Variants in FHOD3 observed in about 807,000 individuals in gnomAD.
FHOD3 encodes FH1/FH2 domain-containing protein 3.
In FHOD3, 90 loss-of-function variants were observed where a neutral mutation model predicts 173.0. The ratio of observed to expected loss-of-function variants is 0.52; its 90% CI spans 0.44 to 0.62. FHOD3 has a LOEUF of 0.62. Ranked by LOEUF, FHOD3 falls within the 20% of genes least tolerant of loss-of-function variation. The pLI is 0.00. For missense variants in FHOD3, 1,945 were observed against 2,034.7 expected (o/e 0.96, Z 0.85); for synonymous variants, 828 against 823.0 (o/e 1.01, Z -0.10).
rs534982530 is a variant in FHOD3, at chr18:36,585,444, G to A, written c.606+8899G>A. On this transcript the variant is annotated intron_variant, in intron 6 of 28. Coordinates refer to ENST00000590592, the MANE Select transcript of FHOD3 (RefSeq NM_001281740.3). ...AGTCCCCCATGTGAGAATAATCTCA[G>A]TAGGAAAAAAAAGGGAAAAAGCAAG... Among the ~76,000 whole-genome samples, 71 of 151,892 alleles carry A rather than the reference G, an allele frequency of 4.7e-4. 3 individuals are homozygous for A. The South Asian group carries it at 0.015, about 32-fold the overall frequency.
intron 7 of FHOD3, among the ~76,000 whole-genome samples, chr18:36,597,538 T>C (rs1371100769): frequency 6.6e-6 from 1 of 152,184 alleles, no homozygotes; most frequent in Non-Finnish European, 1.5e-5. Flanking sequence ...GCCATTCTCC[T>C]GCCTCAGCCT....
At chr18:36,576,157 T>C (rs2058640564) in intron 5 of FHOD3, among the ~76,000 whole-genome samples, 2 of 152,288 alleles carry the variant, frequency 1.3e-5, no homozygotes, top group South Asian at 2.1e-4. Flanking sequence ...CACACAGATA[T>C]AGAAACAGAA....
Position 36,601,608 on chromosome 18 carries a change from G to A in FHOD3, c.719-1066G>A, listed in dbSNP as rs182609495. 1.6e-3 allele frequency among the ~76,000 whole-genome samples: 245 copies of A among 152,242 alleles called. 1 individual carries two copies. Among genetic ancestry groups the A allele is most frequent in the African/African-American group, 4.7e-3 (197 of 41,550 alleles). On this transcript the variant is annotated intron_variant, in intron 7 of 28. Transcript: ENST00000590592. ...ACTTTTGTTCTCAAGGCCAAAATCA[G>A]CTCTGACATAGCCCATCCAAGGACC...
chr18:36,552,755 C>G lies in FHOD3; in HGVS notation c.512-23696C>G, dbSNP rs140960616. On this transcript the variant is annotated intron_variant, in intron 5 of 28. Transcript: ENST00000590592. ...CCTCATGATCCACCCGCCTCGGCCTCCCAAAGTGCTGGGATTACAGGCATG... is the reference window on the plus strand; with the variant it reads ...CCTCATGATCCACCCGCCTCGGCCTGCCAAAGTGCTGGGATTACAGGCATG... 9.1e-4 allele frequency among the ~76,000 whole-genome samples: 138 copies of G among 152,208 alleles called. 1 individual carries two copies. Among genetic ancestry groups the G allele is most frequent in the African/African-American group, 3.1e-3 (129 of 41,538 alleles).
At chr18:36,689,172 A>G (rs1175056739) in intron 16 of FHOD3, among the ~76,000 whole-genome samples, 1 of 152,230 alleles carries the variant, frequency 6.6e-6, no homozygotes, top group Non-Finnish European at 1.5e-5. Flanking sequence ...CCCTGTTTCA[A>G]AAGCTTTTAA....
rs141202254 is a variant in FHOD3 at position 36,297,877 on chromosome 18, G to C, written c.42G>C (p.Thr14=). 501 of 1,553,308 alleles carry C rather than the reference G, an allele frequency of 3.2e-4. 1 individual carries two copies. The highest frequency in any genetic ancestry group is 4.3e-4 in the Non-Finnish European group (490 of 1,150,126). ...GCCGGGTGCAGTTCTTGGACGACAC[G>C]GACCCTTTCAACAGCACCAACTTCC... ...LACRVQFLDD[T]DPFNSTNFPE... The change falls in exon 1 of 29, where the codon ACG becomes ACC. Residue 14 remains threonine, a synonymous_variant. Transcript: ENST00000590592.
chr18:36,580,139 T>C (rs760502438), intron 6 of FHOD3, among the ~76,000 whole-genome samples: 4 of 152,212 alleles, frequency 2.6e-5, no homozygotes, highest in Non-Finnish European at 5.9e-5. Context: ...GTTTCAAAAA[T>C]ACATTTGTAG....
At position 36,327,899 on chromosome 18, in the gene FHOD3, A is replaced by G. The variant is rs183118933; in HGVS notation, c.166-27640A>G. ...ACAGGCAATACTTAAACCAATGTGT[A>G]TGCCTGTGTTCCAATAAAGCTTTAT... On this transcript the variant is annotated intron_variant, in intron 1 of 28. Coordinates refer to ENST00000590592, the MANE Select transcript of FHOD3 (RefSeq NM_001281740.3). Among the ~76,000 whole-genome samples the G allele has an allele frequency of 1.2e-3, 185 of 152,318 alleles. 3 individuals carry two copies. Among genetic ancestry groups the G allele is most frequent in the Non-Finnish European group, 1.0e-3 (70 of 68,030 alleles).
chr18:36,755,012 A>ATTG, intron 24 of FHOD3, 107 bp from the exon 25 acceptor site: 1 of 231,246 alleles, frequency 4.3e-6, no homozygotes, highest in Non-Finnish European at 7.8e-6. Context: ...TATTATTATT[A>ATTG]TTATTTATTT....
chr18:36,520,791 A>G (rs575077331), intron 5 of FHOD3, among the ~76,000 whole-genome samples: 28 of 152,248 alleles, frequency 1.8e-4, no homozygotes, highest in African/African-American at 5.5e-4. Flanking sequence ...TTATTTGGCC[A>G]TTCCTACACA....
At chr18:36,313,330 T>C (rs2092299602) in intron 1 of FHOD3, among the ~76,000 whole-genome samples, 1 of 152,206 alleles carries the variant, frequency 6.6e-6, no homozygotes, top group East Asian at 1.9e-4. Flanking sequence ...TTATTTTTGG[T>C]GCACAGTCCT....
intron 28 of FHOD3, among the ~76,000 whole-genome samples, chr18:36,776,981 G>A (rs922515044): frequency 1.3e-5 from 2 of 152,152 alleles, no homozygotes; most frequent in Non-Finnish European, 2.9e-5. Context: ...ACTGAACTGA[G>A]CAGTTACAGG....
At position 36,297,982 on chromosome 18, in the gene FHOD3, G is replaced by A. The variant is rs1379970201; in HGVS notation, c.147G>A (p.Leu49=). The change falls in exon 1 of 29, where the codon CTG becomes CTA. Residue 49 remains leucine (L), a synonymous_variant. Transcript: ENST00000590592. The stretch of plus-strand genomic sequence containing the variant: ...CCCAGCTGGCGGGGGTCCATAGGCT[G>A]CTGCAGGCGCCGCACAAGGTACGAC... ...LGTQLAGVHR[L]LQAPHKLDDC... 6.4e-7 allele frequency: 1 copy of A among 1,554,690 alleles called. No homozygotes were observed. Among genetic ancestry groups the A allele is most frequent in the East Asian group, 2.5e-5 (1 of 39,664 alleles).
intron 10 of FHOD3, among the ~76,000 whole-genome samples, chr18:36,638,498 C>T (rs2148943382): frequency 6.6e-6 from 1 of 152,272 alleles, no homozygotes; most frequent in African/African-American, 2.4e-5. Context: ...TGCCTATCTG[C>T]CTGCCTGCTT....
At chr18:36,777,224 AT>A (rs2043739764) in intron 28 of FHOD3, among the ~76,000 whole-genome samples, 2 of 106,998 alleles carry the variant, frequency 1.9e-5, no homozygotes, top group Non-Finnish European at 3.5e-5. Context: ...TTTTTTTGAG[AT>A]GGGGCCTCGC....
intron 10 of FHOD3, among the ~76,000 whole-genome samples, chr18:36,645,794 ATTT>A: frequency 6.6e-6 from 1 of 152,130 alleles, no homozygotes; most frequent in African/African-American, 2.4e-5. Context: ...TTGGCTTAAC[ATTT>A]TTTTTAAAAA....
intron 6 of FHOD3, among the ~76,000 whole-genome samples, chr18:36,592,922 A>G (rs905593438): frequency 3.3e-5 from 5 of 152,236 alleles, no homozygotes; most frequent in African/African-American, 1.2e-4. Context: ...CTGGAGTGCA[A>G]TATTTAGCAT....
chr18:36,495,504 G>A (rs1018991355), intron 3 of FHOD3, among the ~76,000 whole-genome samples: 1 of 152,196 alleles, frequency 6.6e-6, no homozygotes, highest in African/African-American at 2.4e-5. Flanking sequence ...TATAGGTGAA[G>A]CCTCTGCAGC....
intron 3 of FHOD3, among the ~76,000 whole-genome samples, chr18:36,474,150 C>T (rs562773474): frequency 4.3e-4 from 65 of 152,280 alleles, no homozygotes; most frequent in African/African-American, 1.2e-3. Context: ...GTAAGAAGAC[C>T]TGGAAGGGAC....
Sources: gnomAD v4.1 joint callset for allele counts (sites outside exome capture counted in the v4.1 genomes callset) on GRCh38, gnomAD v4.1.1 for gene constraint, MANE v1.5 for transcripts, NCBI Gene and HGNC (gene_info 2026-07-23, HGNC 2026-07-21) for gene names.